The following TACC1 variants were observed in gnomAD, a reference collection of about 807,000 sequenced individuals.
TACC1 encodes the protein transforming acidic coiled-coil-containing protein 1.
A neutral mutation model predicts 84.4 loss-of-function variants in TACC1; 48 were observed. The ratio of observed to expected loss-of-function variants is 0.57; its 90% confidence interval spans 0.45 to 0.72. The LOEUF (loss-of-function observed/expected upper bound fraction) is 0.72, where lower values mean the gene tolerates loss of function less well. Ranked by LOEUF, TACC1 falls within the 30% of genes least tolerant of loss-of-function variation. The probability of loss-of-function intolerance (pLI) is 0.00; values close to 1 mark genes in which losing one functional copy is unlikely to be tolerated. For synonymous variants in TACC1, 372 were observed against 376.3 expected (o/e 0.99, Z 0.13); for missense variants, 920 against 973.0 (o/e 0.95, Z 0.72).
intron 3 of TACC1, among the ~76,000 whole-genome samples, chr8:38,773,203 G>A (rs1349473435): frequency 7.3e-5 from 11 of 151,710 alleles, no homozygotes; most frequent in Non-Finnish European, 1.5e-5. Context: ...GCGGGCACCC[G>A]TAATTCTAGC....
Position 38,852,169 on chromosome 8 carries a change from C to T in TACC1, c.*4146C>T. On this transcript the variant is annotated 3_prime_UTR_variant, in exon 13 of 13. Transcript: ENST00000317827. ...TGTAGTTTTTTGTCCAAATGCAATC[C>T]CATTTCTGTGCCTCTTAGCATGCAG... is the stretch of plus-strand genomic sequence containing the variant. 1.0e-5 allele frequency: 3 copies of T among 290,228 alleles called. No homozygotes were observed. Among genetic ancestry groups the T allele is most frequent in the Non-Finnish European group, 2.1e-5 (3 of 141,734 alleles). 18.0% of individuals were successfully genotyped at this position (290,228 alleles called of 1,614,324 possible).
rs990092056 is a variant in TACC1 at position 38,746,914 on chromosome 8, C to A, written c.26+1421C>A. 1.3e-5 allele frequency among the ~76,000 whole-genome samples: 2 copies of A among 151,954 alleles called. 1 individual carries two copies. Among genetic ancestry groups the A allele is most frequent in the South Asian group, 4.2e-4 (2 of 4,814 alleles). ...ATGAAGAAACAAATGTCAGAGGAGA[C>A]AAATAGAAAACAAAATAAAACAAAA... On this transcript the variant is annotated intron_variant, in intron 3 of 14. Coordinates refer to the TACC1 transcript ENST00000518415.
intron 2 of TACC1, among the ~76,000 whole-genome samples, chr8:38,791,977 C>G (rs1390227163): frequency 1.3e-5 from 2 of 152,194 alleles, no homozygotes; most frequent in African/African-American, 4.8e-5. Context: ...AGTATCTAAA[C>G]TCTATAATGA....
At position 38,827,215 on chromosome 8, in the gene TACC1, T is replaced by C. The variant is rs201321171; in HGVS notation, c.1500T>C (p.Asp500=). 28 of 1,614,034 alleles carry C rather than the reference T, an allele frequency of 1.7e-5. No individual in the cohort carries two copies. The highest frequency in any genetic ancestry group is 2.2e-5 in the Non-Finnish European group (26 of 1,180,046). The change falls in exon 5 of 13, where the codon GAT becomes GAC. Residue 500 remains aspartate (D), a synonymous_variant. Coordinates refer to ENST00000317827, the MANE Select transcript of TACC1 (RefSeq NM_006283.3). ...AGATTTCAGACATTTCTAATAGGGATGGCCATGCTACTGATGAGGAGAAAC... is the reference window on the plus strand; with the variant it reads ...AGATTTCAGACATTTCTAATAGGGACGGCCATGCTACTGATGAGGAGAAAC... ...ISQISDISNR[D]GHATDEEKLA...
chr8:38,838,456 T>C lies in TACC1; in HGVS notation c.1840-14T>C. 1 of 1,600,364 alleles carries C rather than the reference T, an allele frequency of 6.2e-7. No homozygotes were observed. The highest frequency in any genetic ancestry group is 8.6e-7 in the Non-Finnish European group (1 of 1,167,752). On this transcript the variant is annotated splice_polypyrimidine_tract_variant and intron_variant, in intron 7 of 12. Coordinates refer to ENST00000317827, the MANE Select transcript of TACC1 (RefSeq NM_006283.3). ...GTAATAGATTGGGTAAAACTAAGCT[T>C]TATTGTACTCTAGATAATTACTAAA... is the stretch of plus-strand genomic sequence containing the variant.
chr8:38,815,555 G>T (rs539827903), intron 2 of TACC1, among the ~76,000 whole-genome samples: 1 of 152,132 alleles, frequency 6.6e-6, no homozygotes, highest in African/African-American at 2.4e-5. Context: ...AAGAAACTGA[G>T]ATTACAGGCA....
At chr8:38,742,236 T>TAG (rs1397337450) in intron 1 of TACC1, 2 of 453,426 alleles carry the variant, frequency 4.4e-6, no homozygotes, top group African/African-American at 4.0e-5. Flanking sequence ...GAGTGGCTGG[T>TAG]AGAACTGCAG....
intron 5 of TACC1, 88 bp from the exon 6 acceptor site, chr8:38,831,037 G>A (rs143937627): frequency 4.3e-5 from 50 of 1,150,660 alleles, no homozygotes; most frequent in East Asian, 3.6e-4. Context: ...AGTCATTCTC[G>A]CCTGCACTGG....
intron 2 of TACC1, among the ~76,000 whole-genome samples, chr8:38,792,685 T>C (rs1049502736): frequency 2.0e-5 from 3 of 152,214 alleles, no homozygotes; most frequent in African/African-American, 7.2e-5. Flanking sequence ...CAGGATGGTC[T>C]CGATCTCCTG....
chr8:38,742,758 G>A (rs1206190099), intron 2 of TACC1, among the ~76,000 whole-genome samples: 1 of 151,976 alleles, frequency 6.6e-6, no homozygotes, highest in Admixed American at 6.6e-5. Context: ...TCTGTCACCC[G>A]GGCTGGAGGG....
intron 2 of TACC1, among the ~76,000 whole-genome samples, chr8:38,813,323 A>G (rs1824669841): frequency 6.6e-6 from 1 of 152,198 alleles, no homozygotes; most frequent in Non-Finnish European, 1.5e-5. Context: ...TGTTATGGCC[A>G]TGAAGAGATG....
chr8:38,835,088 C>T (rs1829963816), intron 6 of TACC1, among the ~76,000 whole-genome samples: 1 of 152,054 alleles, frequency 6.6e-6, no homozygotes, highest in Non-Finnish European at 1.5e-5. Flanking sequence ...CCCGTCTCTA[C>T]TAAAAATACA....
intron 3 of TACC1, among the ~76,000 whole-genome samples, chr8:38,766,001 C>T (rs1227151245): frequency 6.6e-6 from 1 of 152,142 alleles, no homozygotes; most frequent in African/African-American, 2.4e-5. Context: ...CTTTGTCAGG[C>T]ATACATTTTT....
chr8:38,839,489 G>A (rs1026922863), intron 8 of TACC1: 1 of 351,492 alleles, frequency 2.8e-6, no homozygotes, highest in Non-Finnish European at 5.1e-6. Context: ...TGTCTTTTAA[G>A]CATTTCCTAG....
rs1021079344 is a variant in TACC1, at chr8:38,739,219, A to G, written c.-674-3132A>G. 3.9e-5 allele frequency among the ~76,000 whole-genome samples: 6 copies of G among 152,330 alleles called. No individual in the cohort carries two copies. In the South Asian group the frequency reaches 1.2e-3, roughly 32 times the overall value. ...TGTGTAACCATCTGTATCTATATTA[A>G]GCTAAACATGAATTCATACTGATGT... is the stretch of plus-strand genomic sequence containing the variant. On this transcript the variant is annotated intron_variant, in intron 1 of 14. Coordinates refer to the TACC1 transcript ENST00000518415.
At position 38,806,878 on chromosome 8, in the gene TACC1, C is replaced by T. The variant is rs144161792; in HGVS notation, c.278-12644C>T. Among the ~76,000 whole-genome samples, 128 of 152,322 alleles carry T rather than the reference C, an allele frequency of 8.4e-4. 1 individual carries two copies. The highest frequency in any genetic ancestry group is 1.6e-3 in the Admixed American group (25 of 15,292). Reference sequence around the variant, plus strand: ...GGGCTCAATCTCACAAAACTGCTCTCGCTTCAGATGCTAATTGCAAGTCCC... The same window carrying T: ...GGGCTCAATCTCACAAAACTGCTCTTGCTTCAGATGCTAATTGCAAGTCCC... On this transcript the variant is annotated intron_variant, in intron 2 of 12. Coordinates refer to ENST00000317827, the MANE Select transcript of TACC1 (RefSeq NM_006283.3).
intron 1 of TACC1, among the ~76,000 whole-genome samples, chr8:38,741,096 G>A (rs966753193): frequency 2.9e-4 from 44 of 151,886 alleles, no homozygotes; most frequent in African/African-American, 9.9e-4. Flanking sequence ...AGCATTTTCA[G>A]GCTCTGTAGA....
At chr8:38,735,132 G>A (rs1046087224) in intron 1 of TACC1, among the ~76,000 whole-genome samples, 1 of 152,214 alleles carries the variant, frequency 6.6e-6, no homozygotes, top group African/African-American at 2.4e-5. Context: ...AGCAGAGCCT[G>A]GGAAAAAGCA....
intron 5 of TACC1, among the ~76,000 whole-genome samples, chr8:38,830,734 C>G (rs1041564480): frequency 1.3e-5 from 2 of 152,202 alleles, no homozygotes; most frequent in African/African-American, 4.8e-5. Context: ...CAAGGCCACC[C>G]TTCTGGGCTG....
Sources: gnomAD v4.1 joint callset for allele counts (sites outside exome capture counted in the v4.1 genomes callset) on GRCh38, gnomAD v4.1.1 for gene constraint, MANE v1.5 for transcripts, NCBI Gene and HGNC (gene_info 2026-07-23, HGNC 2026-07-21) for gene names.